Variants in DRD3 observed in about 807,000 individuals in gnomAD.
DRD3 encodes the protein dopamine receptor D3.
A neutral mutation model predicts 36.3 loss-of-function variants in DRD3; 19 were observed. The ratio of observed to expected loss-of-function variants is 0.52; its 90% CI spans 0.36 to 0.77. The LOEUF is 0.77. Among genes scored for constraint, DRD3 ranks in the 30% least tolerant of loss-of-function variants. DRD3 has a pLI of 0.00. For missense variants in DRD3, 465 were observed against 505.3 expected (o/e 0.92, Z 0.77); for synonymous variants, 195 against 203.7 (o/e 0.96, Z 0.36).
intron 1 of DRD3, among the ~76,000 whole-genome samples, 152 bp downstream of exon 1, chr3:114,178,505 A>G (rs2077922935): frequency 1.3e-5 from 2 of 152,212 alleles, no homozygotes; most frequent in Non-Finnish European, 2.9e-5. Context: ...GAAGAAAAAG[A>G]AAACCATTTC....
intron 2 of DRD3, among the ~76,000 whole-genome samples, chr3:114,165,438 A>G (rs542754131): frequency 2.0e-5 from 3 of 152,318 alleles, no homozygotes; most frequent in Non-Finnish European, 2.9e-5. Context: ...TTCAAAAGAA[A>G]AAAAAAGAAA....
At position 114,142,322 on chromosome 3, in the gene DRD3, G is replaced by T. The variant is rs528929313; in HGVS notation, c.527-2626C>A. ...TTCACATGTCTCACGTGTGAGAAGA[G>T]GCCAGTGGGGTGGCACTGCCCATCT... is the stretch of plus-strand genomic sequence containing the variant. On this transcript the variant is annotated intron_variant, in intron 4 of 6. Coordinates refer to ENST00000383673, the MANE Select transcript of DRD3 (RefSeq NM_000796.6). 2.0e-5 allele frequency among the ~76,000 whole-genome samples: 3 copies of T among 152,284 alleles called. No individual in the cohort carries two copies. In the South Asian group the frequency reaches 6.2e-4, roughly 32 times the overall value.
rs1026552977 is a variant in DRD3 at position 114,128,972 on chromosome 3, C to G, written c.1007-60G>C. On this transcript the variant is annotated intron_variant, in intron 6 of 6. Transcript: ENST00000383673. ...GATTTGCTTACTCCTTTTGTTATAA[C>G]ATGAGAATGACTCACGGTTGTCTAC... 3.0e-5 allele frequency: 44 copies of G among 1,463,922 alleles called. No individual in the cohort carries two copies. In the South Asian group the frequency reaches 6.3e-4, roughly 21 times the overall value. 90.7% of individuals were successfully genotyped at this position (1,463,922 alleles called of 1,614,324 possible).
In DRD3 at chr3:114,147,505, A is replaced by C; in HGVS notation, c.436T>G (p.Ser146Ala). The change falls in exon 4 of 7, where the codon TCC (serine) becomes GCC (alanine). Residue 146 changes from serine (S) to alanine (A), a missense_variant. By Grantham distance (99) the Ser-to-Ala change is moderately conservative (BLOSUM62 1). Coordinates refer to ENST00000383673, the MANE Select transcript of DRD3 (RefSeq NM_000796.6). ...VHYQHGTGQS[S>A]CRRVALMITA... ...ATCATGAGGGCCACGCGCCGACAGGAGCTCTGTCCCGTGCCATGCTGGTAG... is the reference window on the plus strand; with the variant it reads ...ATCATGAGGGCCACGCGCCGACAGGCGCTCTGTCCCGTGCCATGCTGGTAG... 6.2e-7 allele frequency: 1 copy of C among 1,614,070 alleles called. No individual in the cohort carries two copies. The highest frequency in any genetic ancestry group is 1.1e-5 in the South Asian group (1 of 91,078).
At chr3:114,136,423 G>A (rs1559981871) in intron 5 of DRD3, among the ~76,000 whole-genome samples, 2 of 152,094 alleles carry the variant, frequency 1.3e-5, no homozygotes, top group Non-Finnish European at 2.9e-5. Context: ...ATTCCTCTGG[G>A]TCTGGCTGGC....
intron 4 of DRD3, among the ~76,000 whole-genome samples, chr3:114,141,134 C>T (rs982700425): frequency 5.9e-5 from 9 of 152,204 alleles, no homozygotes; most frequent in Admixed American, 5.2e-4. Context: ...CAGGTTCAAG[C>T]GATTCTCCTG....
At chr3:114,172,290 T>C (rs567302743) in intron 1 of DRD3, among the ~76,000 whole-genome samples, 1 of 152,182 alleles carries the variant, frequency 6.6e-6, no homozygotes, top group African/African-American at 2.4e-5. Flanking sequence ...ATGATACGTA[T>C]ATTGGAGACA....
chr3:114,194,762 A>G (rs902656888), intron 1 of DRD3, among the ~76,000 whole-genome samples: 3 of 151,496 alleles, frequency 2.0e-5, no homozygotes, highest in Non-Finnish European at 2.9e-5. Context: ...ATTGTCTTGC[A>G]TCCCTTCCTA....
chr3:114,154,421 G>A (rs1036602720), intron 3 of DRD3, among the ~76,000 whole-genome samples: 1 of 152,032 alleles, frequency 6.6e-6, no homozygotes. Context: ...CAGCCTGGGT[G>A]GGAAGGCCTG....
At chr3:114,188,141 C>T (rs946646066) in intron 1 of DRD3, among the ~76,000 whole-genome samples, 2 of 151,434 alleles carry the variant, frequency 1.3e-5, no homozygotes, top group African/African-American at 4.9e-5. Context: ...AGTTTATTAT[C>T]TCACATAAAA....
At chr3:114,173,081 A>G (rs1328741215) in intron 1 of DRD3, among the ~76,000 whole-genome samples, 1 of 152,040 alleles carries the variant, frequency 6.6e-6, no homozygotes, top group African/African-American at 2.4e-5. Flanking sequence ...GCCCTCATGA[A>G]TAAGATTAGT....
chr3:114,160,355 T>C (rs1215392165), intron 2 of DRD3, among the ~76,000 whole-genome samples: 2 of 152,202 alleles, frequency 1.3e-5, no homozygotes, highest in Admixed American at 1.3e-4. Context: ...CAAGTGATTC[T>C]CCTGCCTCAG....
chr3:114,167,503 A>G (rs2077797042), intron 2 of DRD3, among the ~76,000 whole-genome samples: 3 of 152,316 alleles, frequency 2.0e-5, no homozygotes, highest in Admixed American at 1.3e-4. Flanking sequence ...TCTGAAATAT[A>G]ATCTTCTGTG....
chr3:114,165,168 TAAC>T (rs890917824), intron 2 of DRD3, among the ~76,000 whole-genome samples: 2 of 152,360 alleles, frequency 1.3e-5, no homozygotes, highest in African/African-American at 4.8e-5. Flanking sequence ...ATTCATTAAA[TAAC>T]AAGATCTAGT....
chr3:114,139,368 G>A, intron 5 of DRD3, 132 bp downstream of exon 5: 1 of 873,176 alleles, frequency 1.1e-6, no homozygotes, highest in Non-Finnish European at 1.7e-6. Flanking sequence ...GCCAAAATTA[G>A]CAGATTCCAA....
Position 114,128,574 on chromosome 3 carries a change from G to T in DRD3, c.*142C>A. The T allele has an allele frequency of 2.5e-6, 2 of 798,282 alleles. No individual in the cohort carries two copies. Among genetic ancestry groups the T allele is most frequent in the Non-Finnish European group, 1.9e-6 (1 of 529,016 alleles). 49.4% of individuals were successfully genotyped at this position (798,282 alleles called of 1,614,324 possible). A position where few individuals can be genotyped will look rare whatever the true frequency, so the allele number is the denominator to read the frequency against. ...TATTCTGTTTTGGAGGACACATCTG[G>T]TTATACCTGACAAGCAGGGACATCC... On this transcript the variant is annotated 3_prime_UTR_variant, in exon 7 of 7. Coordinates refer to ENST00000383673, the MANE Select transcript of DRD3 (RefSeq NM_000796.6).
intron 1 of DRD3, among the ~76,000 whole-genome samples, chr3:114,189,685 G>T (rs1331257958): frequency 6.6e-6 from 1 of 152,192 alleles, no homozygotes; most frequent in Non-Finnish European, 1.5e-5. Flanking sequence ...GCACCATTCA[G>T]TTTGGTCACA....
intron 2 of DRD3, among the ~76,000 whole-genome samples, chr3:114,163,572 G>A (rs1194748398): frequency 6.6e-6 from 1 of 152,144 alleles, no homozygotes. Context: ...AAGTATAGTG[G>A]CTTGCCTCTT....
intron 3 of DRD3, among the ~76,000 whole-genome samples, chr3:114,156,562 C>T (rs2077669392): frequency 6.6e-6 from 1 of 151,998 alleles, no homozygotes; most frequent in South Asian, 2.1e-4. Context: ...TTCTGCTGCA[C>T]TTTCTAACTG....
Sources: allele counts gnomAD v4.1 joint callset (sites outside exome capture counted in the v4.1 genomes callset), GRCh38; gene constraint gnomAD v4.1.1; transcripts MANE v1.5; gene names NCBI Gene and HGNC (gene_info 2026-07-23, HGNC 2026-07-21).